FAM220A: variants seen among roughly 807,000 people sequenced by gnomAD.
The protein encoded by FAM220A is protein FAM220A.
For synonymous variants in FAM220A, 141 were observed against 130.7 expected, an observed-to-expected ratio of 1.08 and a Z score of -0.54; for missense variants, 392 against 321.6, an observed-to-expected ratio of 1.22 and a Z score of -1.68.
In FAM220A at chr7:6,348,932, C is replaced by T. The variant is rs1782010601; in HGVS notation, c.-441G>A. ...CGTCACGCTCGGAGAAGTGCCTCCG[C>T]GAGCAGCCGCCTGTACCAGCCTGGC... On this transcript the variant is annotated 5_prime_UTR_variant, in exon 1 of 2. Coordinates refer to ENST00000313324, the MANE Select transcript of FAM220A (RefSeq NM_001037163.2). 2.6e-6 allele frequency: 1 copy of T among 382,842 alleles called. No individual in the cohort carries two copies. Among genetic ancestry groups the T allele is most frequent in the Non-Finnish European group, 4.6e-6 (1 of 216,600 alleles). The allele number at this position is 382,842 out of a possible 1,614,324, so 23.7% of individuals were successfully genotyped here. A position where few individuals can be genotyped will look rare whatever the true frequency, so the allele number is the denominator to read the frequency against.
At chr7:6,338,925 G>A (rs764178462) in intron 1 of FAM220A, among the ~76,000 whole-genome samples, 1 of 152,138 alleles carries the variant, frequency 6.6e-6, no homozygotes, top group South Asian at 2.1e-4. Flanking sequence ...CGCAAGGAGA[G>A]CTCACACACG....
chr7:6,332,027 G>A (rs1046280902), intron 1 of FAM220A, among the ~76,000 whole-genome samples: 4 of 150,738 alleles, frequency 2.7e-5, no homozygotes, highest in East Asian at 3.9e-4. Flanking sequence ...TGGGAGAATC[G>A]CTTGAACCCA....
At chr7:6,335,127 A>G (rs964184511) in intron 1 of FAM220A, among the ~76,000 whole-genome samples, 1 of 151,774 alleles carries the variant, frequency 6.6e-6, no homozygotes, top group Non-Finnish European at 1.5e-5. Flanking sequence ...TAGTGGTGCA[A>G]TCTTAGCTCA....
intron 1 of FAM220A, among the ~76,000 whole-genome samples, chr7:6,343,499 T>A (rs59058885): frequency 6.9e-6 from 1 of 145,582 alleles, no homozygotes; most frequent in African/African-American, 2.6e-5. Context: ...AACTGAAAAG[T>A]TGTAGGCATG....
At position 6,330,730 on chromosome 7, in the gene FAM220A, C is replaced by T; in HGVS notation, c.425G>A (p.Arg142Lys). The T allele has an allele frequency of 6.2e-7, 1 of 1,614,168 alleles. No homozygotes were observed. The highest frequency in any genetic ancestry group is 2.2e-5 in the East Asian group (1 of 44,880). ...AGGCTCTCCTTTGGGGCACTGTCCT[C>T]TGTGGCCGTCAGTGGCCCTGGGCCC... ...GGGPRATDGH[R>K]GQCPKGEPRV... The change falls in exon 2 of 2, where the codon AGA (arginine) becomes AAA (lysine). Residue 142 changes from arginine to lysine, a missense_variant. Physicochemically the swap from Arg to Lys is conservative, Grantham distance 26. Coordinates refer to ENST00000313324, the MANE Select transcript of FAM220A (RefSeq NM_001037163.2).
In FAM220A at chr7:6,348,616, T is replaced by G. The variant is rs775240321; in HGVS notation, c.-125A>C. On this transcript the variant is annotated 5_prime_UTR_variant, in exon 1 of 2. Transcript: ENST00000313324. ...CATCATGGAAGCCACGATGTAGAGG[T>G]AGGGGAAGTTGATACGCAGCCGCCA... 1.0e-5 allele frequency: 5 copies of G among 491,264 alleles called. No individual in the cohort carries two copies. Among genetic ancestry groups the G allele is most frequent in the African/African-American group, 4.0e-5 (2 of 50,296 alleles). 30.4% of individuals were successfully genotyped at this position (491,264 alleles called of 1,614,324 possible).
In FAM220A at chr7:6,330,764, G is replaced by T; in HGVS notation, c.391C>A (p.Leu131Met). The T allele has an allele frequency of 6.2e-7, 1 of 1,614,110 alleles. No individual in the cohort carries two copies. The highest frequency in any genetic ancestry group is 8.5e-7 in the Non-Finnish European group (1 of 1,180,014). ...TCAGTGGCCCTGGGCCCTCCTCCCAGCCAGTCTCGCCGCCCCAGAGCTTCA... is the reference window on the plus strand; with the variant it reads ...TCAGTGGCCCTGGGCCCTCCTCCCATCCAGTCTCGCCGCCCCAGAGCTTCA... ...GVEALGRRDW[L>M]GGGPRATDGH... The change falls in exon 2 of 2, where the codon CTG (leucine) becomes ATG (methionine). Residue 131 changes from leucine (L) to methionine (M), a missense_variant. Leu to Met is a conservative substitution (Grantham distance 15). Transcript: ENST00000313324.
At chr7:6,343,415 T>TG (rs1291745834) in intron 1 of FAM220A, among the ~76,000 whole-genome samples, 3 of 56,274 alleles carry the variant, frequency 5.3e-5, no homozygotes, top group African/African-American at 1.8e-4. Flanking sequence ...TATATATATA[T>TG]ATATATATAT....
At chr7:6,334,060 AT>A (rs1781698389) in intron 1 of FAM220A, among the ~76,000 whole-genome samples, 1 of 150,554 alleles carries the variant, frequency 6.6e-6, no homozygotes, top group Non-Finnish European at 1.5e-5. Flanking sequence ...GTTAGCCAGG[AT>A]GGAATCTATC....
intron 1 of FAM220A, among the ~76,000 whole-genome samples, chr7:6,331,738 C>CTTTTTT (rs376255551): frequency 3.4e-5 from 4 of 117,760 alleles, no homozygotes; most frequent in Admixed American, 8.8e-5. Flanking sequence ...ATAATAGAGG[C>CTTTTTT]TTTTTTTTTT....
intron 1 of FAM220A, among the ~76,000 whole-genome samples, chr7:6,343,314 T>C (rs971760734): frequency 3.5e-4 from 52 of 146,500 alleles, no homozygotes; most frequent in African/African-American, 1.2e-3. Flanking sequence ...GAAGCGGAGG[T>C]TGCAGTGATC....
intron 1 of FAM220A, among the ~76,000 whole-genome samples, chr7:6,346,529 G>A (rs1281076426): frequency 2.6e-5 from 4 of 151,918 alleles, no homozygotes; most frequent in Admixed American, 6.6e-5. Flanking sequence ...ACCACTGCCC[G>A]GCCACCACGC....
intron 1 of FAM220A, among the ~76,000 whole-genome samples, chr7:6,344,983 T>C (rs2115149927): frequency 6.6e-6 from 1 of 152,164 alleles, no homozygotes; most frequent in African/African-American, 2.4e-5. Flanking sequence ...TCAGGTGATC[T>C]GCCTGCCTCA....
chr7:6,336,840 G>C (rs186811399), intron 1 of FAM220A, among the ~76,000 whole-genome samples: 27 of 151,964 alleles, frequency 1.8e-4, no homozygotes, highest in Non-Finnish European at 4.4e-5. Context: ...ATTTTGTGTA[G>C]AGACAATGTT....
chr7:6,343,929 A>T (rs958176965), intron 1 of FAM220A, among the ~76,000 whole-genome samples: 4 of 152,112 alleles, frequency 2.6e-5, no homozygotes, highest in African/African-American at 9.7e-5. Flanking sequence ...TCTGTCACCC[A>T]TGCTGGAGAG....
chr7:6,346,618 CG>C (rs1781955291), intron 1 of FAM220A, among the ~76,000 whole-genome samples: 1 of 152,090 alleles, frequency 6.6e-6, no homozygotes, highest in South Asian at 2.1e-4. Context: ...TGAGCTTAAG[CG>C]ACGCAGACAC....
Position 6,348,868 on chromosome 7 carries a change from A to ACCGG in FAM220A, c.-381_-378dup, listed in dbSNP as rs1782006599. The ACCGG allele has an allele frequency of 7.8e-6, 3 of 386,086 alleles. No individual in the cohort carries two copies. The highest frequency in any genetic ancestry group is 1.4e-4 in the South Asian group (1 of 7,042). 23.9% of individuals were successfully genotyped at this position (386,086 alleles called of 1,614,324 possible). A position where few individuals can be genotyped will look rare whatever the true frequency, so the allele number is the denominator to read the frequency against. On this transcript the variant is annotated 5_prime_UTR_variant, in exon 1 of 2. Coordinates refer to ENST00000313324, the MANE Select transcript of FAM220A (RefSeq NM_001037163.2). ...AGGGAGCGAAGGAGGCGGCGGCTAG[A>ACCGG]CCGGCGGGCGGGCGGGCCGCAGTGG...
intron 1 of FAM220A, among the ~76,000 whole-genome samples, chr7:6,336,572 T>C (rs1490396169): frequency 1.3e-5 from 2 of 151,072 alleles, no homozygotes. Context: ...TCCCAGCTAT[T>C]AGTCAGGAGG....
intron 1 of FAM220A, among the ~76,000 whole-genome samples, chr7:6,338,949 C>T (rs1781798410): frequency 6.6e-6 from 1 of 152,286 alleles, no homozygotes; most frequent in South Asian, 2.1e-4. Context: ...CCAGATGGGC[C>T]AGCTCCACAC....
Sources: allele counts gnomAD v4.1 joint callset (sites outside exome capture counted in the v4.1 genomes callset), GRCh38; gene constraint gnomAD v4.1.1; transcripts MANE v1.5; gene names NCBI Gene and HGNC (gene_info 2026-07-23, HGNC 2026-07-21).